SH3RF1: variants seen among roughly 807,000 people sequenced by gnomAD.
SH3RF1 encodes the protein SH3 domain containing ring finger 1.
A neutral mutation model predicts 74.0 loss-of-function variants in SH3RF1; 32 were observed. The observed-to-expected ratio is 0.43, with a 90% CI of 0.33 to 0.58. The LOEUF (loss-of-function observed/expected upper bound fraction) is 0.58, where lower values mean the gene tolerates loss of function less well. Among genes scored for constraint, SH3RF1 ranks in the 20% least tolerant of loss-of-function variants. The probability of loss-of-function intolerance (pLI) is 0.05; values close to 1 mark genes in which losing one functional copy is unlikely to be tolerated. For synonymous variants in SH3RF1, 396 were observed against 439.6 expected, an observed-to-expected ratio of 0.90 and a Z score of 1.24; for missense variants, 954 against 1,130.9, an observed-to-expected ratio of 0.84 and a Z score of 2.24.
At chr4:169,106,031 T>C (rs994068930) in intron 11 of SH3RF1, among the ~76,000 whole-genome samples, 2 of 152,016 alleles carry the variant, frequency 1.3e-5, no homozygotes, top group Admixed American at 6.6e-5. Flanking sequence ...TCATCAGCTA[T>C]AATTAATGTT....
chr4:169,228,457 C>T (rs543776229), intron 2 of SH3RF1, among the ~76,000 whole-genome samples: 5 of 152,130 alleles, frequency 3.3e-5, no homozygotes, highest in African/African-American at 7.2e-5. Flanking sequence ...AGGCTGCCTG[C>T]ATCACTTGCC....
chr4:169,148,372 T>C (rs1346275528), intron 4 of SH3RF1, among the ~76,000 whole-genome samples: 3 of 152,156 alleles, frequency 2.0e-5, no homozygotes, highest in African/African-American at 4.8e-5. Flanking sequence ...TACTAGAGTG[T>C]TTATTAGACA....
At chr4:169,228,399 G>A (rs1039609203) in intron 2 of SH3RF1, among the ~76,000 whole-genome samples, 1 of 150,778 alleles carries the variant, frequency 6.6e-6, no homozygotes, top group African/African-American at 2.4e-5. Context: ...TTTTTTTTCT[G>A]GAGGTTCTAG....
chr4:169,122,794 C>A (rs1733463005), intron 6 of SH3RF1, among the ~76,000 whole-genome samples: 4 of 152,118 alleles, frequency 2.6e-5, no homozygotes, highest in Admixed American at 2.6e-4. Context: ...AGTCACTGGA[C>A]CATTGTTGCT....
intron 2 of SH3RF1, among the ~76,000 whole-genome samples, chr4:169,223,781 G>A (rs1010596124): frequency 6.6e-6 from 1 of 152,180 alleles, no homozygotes; most frequent in African/African-American, 2.4e-5. Context: ...AGTGGGTGGA[G>A]ATAGGTAATC....
At chr4:169,101,268 AC>A (rs1482876777) in intron 11 of SH3RF1, among the ~76,000 whole-genome samples, 1 of 152,256 alleles carries the variant, frequency 6.6e-6, no homozygotes, top group African/African-American at 2.4e-5. Flanking sequence ...TTTAAAATGT[AC>A]AAAGCTCCTT....
chr4:169,159,974 G>A (rs1250179357), intron 2 of SH3RF1, among the ~76,000 whole-genome samples: 1 of 152,164 alleles, frequency 6.6e-6, no homozygotes, highest in African/African-American at 2.4e-5. Flanking sequence ...CCGTTTAATA[G>A]GGGATGGCAT....
intron 2 of SH3RF1, among the ~76,000 whole-genome samples, chr4:169,157,740 T>C (rs1734082633): frequency 7.2e-6 from 1 of 138,108 alleles, no homozygotes; most frequent in African/African-American, 2.8e-5. Context: ...GCTTTTACTT[T>C]TTTTTTCTTT....
chr4:169,189,826 A>T (rs2126983806), intron 2 of SH3RF1, among the ~76,000 whole-genome samples: 1 of 152,314 alleles, frequency 6.6e-6, no homozygotes, highest in African/African-American at 2.4e-5. Flanking sequence ...ACTCAAGTCT[A>T]CTACACTCAA....
chr4:169,231,661 A>T (rs563320536), intron 2 of SH3RF1, among the ~76,000 whole-genome samples: 1 of 152,246 alleles, frequency 6.6e-6, no homozygotes, highest in East Asian at 1.9e-4. Flanking sequence ...TTTTTGCTCA[A>T]AGCTGCTATA....
At chr4:169,169,132 A>G (rs1048986727) in intron 2 of SH3RF1, among the ~76,000 whole-genome samples, 4 of 152,238 alleles carry the variant, frequency 2.6e-5, no homozygotes, top group Non-Finnish European at 5.9e-5. Context: ...TCAAAGGAGC[A>G]TTCTTCTAGT....
chr4:169,208,385 A>G (rs1256510721), intron 2 of SH3RF1, among the ~76,000 whole-genome samples: 1 of 152,154 alleles, frequency 6.6e-6, no homozygotes, highest in Non-Finnish European at 1.5e-5. Context: ...AAAGTCTTGT[A>G]ATAGGCAAAG....
intron 2 of SH3RF1, among the ~76,000 whole-genome samples, chr4:169,242,798 C>A (rs1304930539): frequency 1.3e-5 from 2 of 152,214 alleles, no homozygotes; most frequent in Non-Finnish European, 2.9e-5. Flanking sequence ...TGCCTTCTGC[C>A]ATGTGATGAT....
intron 5 of SH3RF1, among the ~76,000 whole-genome samples, chr4:169,133,245 A>G (rs747130698): frequency 5.9e-5 from 9 of 152,216 alleles, no homozygotes; most frequent in Admixed American, 3.9e-4. Context: ...AATGAATACT[A>G]ACATTTTTAA....
At chr4:169,161,043 T>C (rs951056308) in intron 2 of SH3RF1, among the ~76,000 whole-genome samples, 2 of 152,212 alleles carry the variant, frequency 1.3e-5, no homozygotes, top group Non-Finnish European at 2.9e-5. Flanking sequence ...GCTTTTCTTC[T>C]GTATCCTCTC....
Position 169,229,471 on chromosome 4 carries a change from C to A in SH3RF1, c.393+39349G>T, listed in dbSNP as rs181780402. On this transcript the variant is annotated intron_variant, in intron 2 of 11. Coordinates refer to ENST00000284637, the MANE Select transcript of SH3RF1 (RefSeq NM_020870.4). ...AACATAAATTGGTATACCACCCCCC[C>A]ACCCAAAAAAAAAACCTATTCGGTG... Among the ~76,000 whole-genome samples, 65 of 151,408 alleles carry A rather than the reference C, an allele frequency of 4.3e-4. 1 individual carries two copies. The East Asian group carries it at 6.8e-3, about 16-fold the overall frequency.
chr4:169,244,228 A>G (rs554890612), intron 2 of SH3RF1, among the ~76,000 whole-genome samples: 2 of 152,268 alleles, frequency 1.3e-5, no homozygotes, highest in East Asian at 3.9e-4. Flanking sequence ...AGCAAATCAT[A>G]TTTGGCTGCC....
intron 2 of SH3RF1, among the ~76,000 whole-genome samples, chr4:169,181,557 G>C (rs1425263385): frequency 2.6e-5 from 4 of 151,830 alleles, no homozygotes; most frequent in Admixed American, 2.0e-4. Context: ...CACCGCGCCA[G>C]CCCTGGGAAA....
At chr4:169,261,005 C>T (rs536397503) in intron 2 of SH3RF1, among the ~76,000 whole-genome samples, 1 of 152,338 alleles carries the variant, frequency 6.6e-6, no homozygotes, top group East Asian at 1.9e-4. Context: ...ATTTATTCAA[C>T]AAACCTCTTG....
Sources: allele counts gnomAD v4.1 joint callset (sites outside exome capture counted in the v4.1 genomes callset), GRCh38; gene constraint gnomAD v4.1.1; transcripts MANE v1.5; gene names NCBI Gene and HGNC (gene_info 2026-07-23, HGNC 2026-07-21).